The following ZNF423 variants were observed in gnomAD, a reference collection of about 807,000 sequenced individuals.
The protein encoded by ZNF423 is zinc finger protein 423.
In ZNF423, 12 loss-of-function variants were observed where a neutral mutation model predicts 95.8. That is an observed-to-expected ratio of 0.13 (90% CI 0.08 to 0.20). The LOEUF (loss-of-function observed/expected upper bound fraction) is 0.20, where lower values mean the gene tolerates loss of function less well. ZNF423 is among the 10% of genes least tolerant of loss of function. ZNF423 has a pLI of 1.00. For synonymous variants in ZNF423, 749 were observed against 711.9 expected (o/e 1.05, Z -0.83); for missense variants, 1,316 against 1,737.1 (o/e 0.76, Z 4.31).
In ZNF423 at chr16:49,636,964, C is replaced by T. The variant is rs1198926806; in HGVS notation, c.2212G>A (p.Asp738Asn). 8 of 1,613,532 alleles carry T rather than the reference C, an allele frequency of 5.0e-6. No individual in the cohort carries two copies. Among genetic ancestry groups the T allele is most frequent in the Non-Finnish European group, 5.9e-6 (7 of 1,179,904 alleles). The change falls in exon 4 of 8, where the codon GAC becomes AAC. Residue 738 changes from aspartate to asparagine, a missense_variant. Physicochemically the swap from Asp to Asn is conservative, Grantham distance 23 (BLOSUM62 1). Around this residue, in one of 6 missense-constraint regions of ZNF423, gnomAD observed 620 missense variants for 775.6 expected, o/e 0.80. Transcript: ENST00000563137. The surrounding 1 kb of genome is among the most constrained non-coding windows in gnomAD (Gnocchi z 8.6). The stretch of plus-strand genomic sequence containing the variant: ...TGCACCTGGATGGACACCTTGGAGT[C>T]GAAGACCTCCTGACACAGGGTGCAG... ...YHCTLCQEVF[D>N]SKVSIQVHLA...
chr16:49,771,198 T>TC (rs945632348), intron 2 of ZNF423, among the ~76,000 whole-genome samples: 1 of 139,894 alleles, frequency 7.1e-6, no homozygotes, highest in African/African-American at 2.7e-5. Context: ...TTTTCTTTTT[T>TC]TTTTTTTTTT....
intron 3 of ZNF423, among the ~76,000 whole-genome samples, chr16:49,681,159 G>A (rs953044489): frequency 6.6e-6 from 1 of 152,142 alleles, no homozygotes; most frequent in South Asian, 2.1e-4. Flanking sequence ...ACTATGTGGC[G>A]GACTCAGTAC....
At chr16:49,748,385 C>G (rs2033566093) in intron 2 of ZNF423, among the ~76,000 whole-genome samples, 1 of 152,194 alleles carries the variant, frequency 6.6e-6, no homozygotes, top group Non-Finnish European at 1.5e-5. Flanking sequence ...TTCTGACCCT[C>G]CTGTGGGTAT....
At chr16:49,596,863 C>T (rs1415195417) in intron 5 of ZNF423, among the ~76,000 whole-genome samples, 1 of 152,210 alleles carries the variant, frequency 6.6e-6, no homozygotes, top group African/African-American at 2.4e-5. Context: ...TAGGGATTGG[C>T]AGGCAGGGAT....
intron 7 of ZNF423, among the ~76,000 whole-genome samples, chr16:49,495,457 G>A (rs1223327283): frequency 6.6e-6 from 1 of 150,910 alleles, no homozygotes; most frequent in Non-Finnish European, 1.5e-5. Flanking sequence ...GAGCACTCAG[G>A]AACTGGTTCC....
chr16:49,727,235 GC>G (rs1283446135), intron 3 of ZNF423, among the ~76,000 whole-genome samples: 31 of 152,296 alleles, frequency 2.0e-4, no homozygotes, highest in Admixed American at 1.5e-3. Flanking sequence ...CAGCTCATGG[GC>G]CCGGCATGCC....
chr16:49,741,436 G>A (rs1177985552), intron 2 of ZNF423, among the ~76,000 whole-genome samples: 1 of 152,066 alleles, frequency 6.6e-6, no homozygotes, highest in Non-Finnish European at 1.5e-5. Context: ...GAACCTGGGA[G>A]GCAGAGATTG....
chr16:49,561,615 C>G (rs1970018503), intron 5 of ZNF423, among the ~76,000 whole-genome samples: 1 of 152,162 alleles, frequency 6.6e-6, no homozygotes, highest in Non-Finnish European at 1.5e-5. Flanking sequence ...TAAATTGATT[C>G]CTTTTTTTGC....
chr16:49,632,027 C>T (rs1217512761), intron 4 of ZNF423, among the ~76,000 whole-genome samples: 2 of 152,146 alleles, frequency 1.3e-5, no homozygotes, highest in East Asian at 1.9e-4. Context: ...GCCCTCTAAC[C>T]TTGATATCTG....
At chr16:49,822,624 C>G (rs746992952) in intron 1 of ZNF423, 1 of 1,514,430 alleles carries the variant, frequency 6.6e-7, no homozygotes, top group Non-Finnish European at 9.0e-7. Context: ...TTCTGTCTGC[C>G]TACTTCCCTT....
chr16:49,703,311 T>A (rs2032251163), intron 3 of ZNF423, among the ~76,000 whole-genome samples: 1 of 152,254 alleles, frequency 6.6e-6, no homozygotes, highest in Non-Finnish European at 1.5e-5. Flanking sequence ...GAATTTTTTT[T>A]AAAGCATGTG....
chr16:49,750,342 G>C (rs2033610986), intron 2 of ZNF423, among the ~76,000 whole-genome samples: 1 of 152,226 alleles, frequency 6.6e-6, no homozygotes. Context: ...CAGGGGCCAA[G>C]TCAGGGGTTT....
chr16:49,782,044 A>G (rs2034221028), intron 2 of ZNF423, among the ~76,000 whole-genome samples: 1 of 152,226 alleles, frequency 6.6e-6, no homozygotes, highest in South Asian at 2.1e-4. Context: ...AGTGTTTTCC[A>G]GGCCTGGCTT....
At chr16:49,810,520 G>A (rs990589652) in intron 1 of ZNF423, among the ~76,000 whole-genome samples, 5 of 152,092 alleles carry the variant, frequency 3.3e-5, no homozygotes, top group African/African-American at 9.7e-5. Context: ...ACCCCTGGGC[G>A]CATCAGGGTC....
intron 1 of ZNF423, among the ~76,000 whole-genome samples, chr16:49,825,964 A>G (rs73569784): frequency 0.02 from 3,045 of 152,228 alleles, 108 homozygotes; most frequent in African/African-American, 0.07. Context: ...TAATCCCATT[A>G]CTTTCGGAGG....
intron 3 of ZNF423, among the ~76,000 whole-genome samples, chr16:49,668,303 G>A (rs1198971082): frequency 1.3e-5 from 2 of 152,160 alleles, no homozygotes; most frequent in Admixed American, 6.5e-5. Context: ...CTGAGGCCCC[G>A]AAATGGCAGG....
chr16:49,630,238 T>A (rs991920979), intron 4 of ZNF423, among the ~76,000 whole-genome samples: 9 of 152,026 alleles, frequency 5.9e-5, no homozygotes, highest in African/African-American at 2.2e-4. Flanking sequence ...TGAGGTCTTC[T>A]CAGGAGATGC....
At position 49,769,280 on chromosome 16, in the gene ZNF423, G is replaced by A. The variant is rs372513309; in HGVS notation, c.100+20207C>T. Among the ~76,000 whole-genome samples the A allele has an allele frequency of 6.5e-4, 99 of 151,798 alleles. No homozygotes were observed. The East Asian group carries it at 7.2e-3, about 11-fold the overall frequency. On this transcript the variant is annotated intron_variant, in intron 2 of 7. Coordinates refer to ENST00000563137, the MANE Select transcript of ZNF423 (RefSeq NM_001379286.1). ...TGAGGCAGGAGAATCACTTGAACCC[G>A]GGAGGTGGAGGTTGCAGTGAGCCGA... is the stretch of plus-strand genomic sequence containing the variant.
chr16:49,508,065 G>C (rs12926400), intron 7 of ZNF423, among the ~76,000 whole-genome samples: 59,710 of 152,070 alleles, frequency 0.39, 11,947 homozygotes, highest in African/African-American at 0.46. Flanking sequence ...TGAGGCCTTG[G>C]GGGGTTAGTT....
Sources: allele counts gnomAD v4.1 joint callset (sites outside exome capture counted in the v4.1 genomes callset), GRCh38; gene constraint gnomAD v4.1.1; regional missense constraint gnomAD v4.1.1; non-coding constraint Gnocchi (gnomAD v3.1); transcripts MANE v1.5; gene names NCBI Gene and HGNC (gene_info 2026-07-23, HGNC 2026-07-21).